DRC9: variants seen among roughly 807,000 people sequenced by gnomAD.
DRC9 encodes dynein regulatory complex subunit 9.
chr3:197,913,752 A>G, the DRC9 span: 1 of 972,516 alleles, frequency 1.0e-6, no homozygotes, highest in South Asian at 1.3e-5. Flanking sequence ...TTCAACCTCA[A>G]GTGGAGGGGC....
At chr3:197,913,460 G>A in the DRC9 span, 2 of 290,928 alleles carry the variant, frequency 6.9e-6, no homozygotes, top group South Asian at 8.5e-5. Context: ...ACTCAGGTTT[G>A]AACGAAGTTC....
the DRC9 span, among the ~76,000 whole-genome samples, chr3:197,942,772 C>G: frequency 6.6e-6 from 1 of 151,456 alleles, no homozygotes; most frequent in South Asian, 2.1e-4. Context: ...ACAAAATTAG[C>G]TGGGCGTGGT....
chr3:197,949,207 C>T, the DRC9 span, among the ~76,000 whole-genome samples: 2 of 152,200 alleles, frequency 1.3e-5, no homozygotes, highest in African/African-American at 4.8e-5. Flanking sequence ...TTGTTTACTG[C>T]CGTGTCATCT....
the DRC9 span, among the ~76,000 whole-genome samples, chr3:197,946,278 A>G: frequency 0.025 from 3,844 of 151,734 alleles, 155 homozygotes; most frequent in African/African-American, 0.087. Flanking sequence ...TACTAAAAAT[A>G]CAAAAAATTA....
At chr3:197,957,407 A>G in the DRC9 span, 1 of 152,100 alleles carries the variant, frequency 6.6e-6, no homozygotes, top group East Asian at 1.9e-4. Context: ...TGCTTCGTGG[A>G]CATGGGCTTG....
the DRC9 span, among the ~76,000 whole-genome samples, chr3:197,902,616 CAGA>C: frequency 1.3e-5 from 2 of 151,514 alleles, no homozygotes; most frequent in Non-Finnish European, 2.9e-5. Flanking sequence ...AGTGATCAAG[CAGA>C]AGAAGGACTT....
At chr3:197,913,253 T>C in the DRC9 span, 1 of 186,364 alleles carries the variant, frequency 5.4e-6, no homozygotes, top group Admixed American at 5.4e-5. Context: ...CCAGGCTGGC[T>C]TCAAACTCAA....
At chr3:197,933,457 A>G in the DRC9 span, among the ~76,000 whole-genome samples, 2 of 152,118 alleles carry the variant, frequency 1.3e-5, no homozygotes, top group Non-Finnish European at 1.5e-5. Context: ...AACACAAAAA[A>G]CAAAAAAACC....
At chr3:197,949,821 T>C in the DRC9 span, 2 of 377,364 alleles carry the variant, frequency 5.3e-6, no homozygotes, top group South Asian at 1.5e-4. Context: ...CACCCCACTG[T>C]TGGCAAATCA....
At chr3:197,954,474 T>G in the DRC9 span, 3 of 383,242 alleles carry the variant, frequency 7.8e-6, no homozygotes, top group South Asian at 2.2e-5. Flanking sequence ...GCTGGGACCA[T>G]AGGCGTGTGC....
chr3:197,951,049 CAAG>C, the DRC9 span: 1 of 1,602,976 alleles, frequency 6.2e-7, no homozygotes, highest in Non-Finnish European at 8.5e-7. Flanking sequence ...TTAAAATTGG[CAAG>C]AAAAAACTTA....
chr3:197,924,628 T>A, the DRC9 span, among the ~76,000 whole-genome samples: 2 of 152,108 alleles, frequency 1.3e-5, no homozygotes, highest in African/African-American at 4.8e-5. Context: ...CAAGCGATTC[T>A]CCTGCCTCAG....
the DRC9 span, among the ~76,000 whole-genome samples, chr3:197,915,656 G>A: frequency 6.6e-6 from 1 of 152,046 alleles, no homozygotes; most frequent in Non-Finnish European, 1.5e-5. Flanking sequence ...TGAGATGGAG[G>A]CTCGCTCTTG....
the DRC9 span, among the ~76,000 whole-genome samples, chr3:197,932,800 A>T: frequency 2.1e-5 from 3 of 144,120 alleles, no homozygotes; most frequent in Non-Finnish European, 4.5e-5. Context: ...GGTCTCAAAA[A>T]ATATATATAT....
the DRC9 span, among the ~76,000 whole-genome samples, chr3:197,937,455 T>C: frequency 1.3e-5 from 2 of 151,790 alleles, no homozygotes; most frequent in Non-Finnish European, 2.9e-5. Flanking sequence ...GCTATCACGG[T>C]CTTTTTCTTT....
the DRC9 span, among the ~76,000 whole-genome samples, chr3:197,911,238 C>G: frequency 3.9e-5 from 6 of 152,106 alleles, no homozygotes; most frequent in Non-Finnish European, 7.4e-5. Flanking sequence ...AAAATGGCTA[C>G]TAATATTGAA....
chr3:197,915,842 T>C, the DRC9 span, among the ~76,000 whole-genome samples: 8 of 152,188 alleles, frequency 5.3e-5, no homozygotes, highest in African/African-American at 1.9e-4. Context: ...TTGGTCAGGA[T>C]GGTCTTGATC....
chr3:197,932,899 TTA>T, the DRC9 span, among the ~76,000 whole-genome samples: 2 of 139,756 alleles, frequency 1.4e-5, no homozygotes, highest in Non-Finnish European at 1.5e-5. Flanking sequence ...AATATATGTA[TTA>T]TATATGTATT....
the DRC9 span, among the ~76,000 whole-genome samples, chr3:197,890,687 T>G: frequency 6.6e-6 from 1 of 152,234 alleles, no homozygotes; most frequent in Non-Finnish European, 1.5e-5. Flanking sequence ...TGTTGTAAAT[T>G]CAGGAATACT....
Sources: allele counts gnomAD v4.1 joint callset (sites outside exome capture counted in the v4.1 genomes callset), GRCh38; gene constraint gnomAD v4.1.1; transcripts MANE v1.5; gene names NCBI Gene and HGNC (gene_info 2026-07-23, HGNC 2026-07-21).